Variants in MYO16 observed in about 807,000 individuals in gnomAD.
MYO16 encodes the protein myosin XVI.
In MYO16, 94 loss-of-function variants were observed where a neutral mutation model predicts 205.3. The ratio of observed to expected loss-of-function variants is 0.46; its 90% CI spans 0.39 to 0.54. The LOEUF is 0.54. MYO16 is among the 20% of genes least tolerant of loss of function. MYO16 has a pLI of 0.00. For missense variants in MYO16, 2,315 were observed against 2,387.5 expected, an observed-to-expected ratio of 0.97 and a Z score of 0.63; for synonymous variants, 988 against 954.0, an observed-to-expected ratio of 1.04 and a Z score of -0.66.
chr13:108,921,733 T>A (rs1046421753), intron 16 of MYO16, among the ~76,000 whole-genome samples: 1 of 152,214 alleles, frequency 6.6e-6, no homozygotes, highest in African/African-American at 2.4e-5. Flanking sequence ...ATGCTTGAAC[T>A]GTTAAAAGCA....
chr13:108,530,398 G>T, the MYO16 span, among the ~76,000 whole-genome samples: 1 of 152,184 alleles, frequency 6.6e-6, no homozygotes, highest in Non-Finnish European at 1.5e-5. Flanking sequence ...GGTGTGACAG[G>T]ATAACACCAG....
At chr13:108,586,356 T>C in the MYO16 span, among the ~76,000 whole-genome samples, 1 of 144,414 alleles carries the variant, frequency 6.9e-6, no homozygotes, top group Admixed American at 6.7e-5. Flanking sequence ...TTAAAAAATA[T>C]ATTTTTTCAG....
chr13:108,947,014 G>T (rs1185610598), intron 16 of MYO16, among the ~76,000 whole-genome samples: 14 of 152,210 alleles, frequency 9.2e-5, no homozygotes, highest in Admixed American at 8.5e-4. Flanking sequence ...GCGCGATGTT[G>T]TTCACACCAT....
chr13:109,090,845 C>T (rs1030443023), intron 27 of MYO16, among the ~76,000 whole-genome samples: 2 of 152,110 alleles, frequency 1.3e-5, no homozygotes, highest in East Asian at 1.9e-4. Flanking sequence ...CTGCAATCCC[C>T]GCCCCTCCCC....
chr13:108,767,794 A>C (rs529144634), intron 4 of MYO16, among the ~76,000 whole-genome samples: 2 of 152,068 alleles, frequency 1.3e-5, no homozygotes, highest in Admixed American at 1.3e-4. Context: ...GAATTTTTAC[A>C]CTTAGCCCCA....
At chr13:108,806,641 T>C (rs1203474891) in intron 6 of MYO16, 38 bp from the exon 7 acceptor site, 1 of 1,598,994 alleles carries the variant, frequency 6.3e-7, no homozygotes, top group South Asian at 1.1e-5. Flanking sequence ...ATATCACTAC[T>C]TTAAAAAAAT....
intron 28 of MYO16, among the ~76,000 whole-genome samples, chr13:109,111,055 T>G (rs1200469214): frequency 1.3e-5 from 2 of 152,076 alleles, no homozygotes; most frequent in African/African-American, 4.8e-5. Context: ...TGAACAAATG[T>G]GAGAAAAGGA....
chr13:108,538,001 GA>G, the MYO16 span, among the ~76,000 whole-genome samples: 1 of 152,042 alleles, frequency 6.6e-6, no homozygotes, highest in African/African-American at 2.4e-5. Flanking sequence ...TTGCTGTGCA[GA>G]AGCACTTTAG....
At chr13:108,531,392 G>A in the MYO16 span, among the ~76,000 whole-genome samples, 1 of 152,202 alleles carries the variant, frequency 6.6e-6, no homozygotes, top group Non-Finnish European at 1.5e-5. Flanking sequence ...TTCTACGGAA[G>A]TGAGTGCTTT....
At chr13:109,012,777 G>T (rs945651232) in intron 22 of MYO16, among the ~76,000 whole-genome samples, 4 of 87,884 alleles carry the variant, frequency 4.6e-5, no homozygotes, top group African/African-American at 2.0e-4. Context: ...ATATGTGTGT[G>T]TGTATATATA....
intron 34 of MYO16, among the ~76,000 whole-genome samples, chr13:109,199,981 G>C (rs1880338059): frequency 6.6e-6 from 1 of 152,098 alleles, no homozygotes; most frequent in South Asian, 2.1e-4. Context: ...GATTGTATTT[G>C]TTTGCTATTC....
the MYO16 span, among the ~76,000 whole-genome samples, chr13:108,582,181 T>C: frequency 2.6e-5 from 4 of 152,214 alleles, no homozygotes; most frequent in Admixed American, 6.5e-5. Flanking sequence ...TTGTTTGATT[T>C]TTGGGACCTT....
intron 2 of MYO16, among the ~76,000 whole-genome samples, chr13:108,701,063 C>T (rs1388887258): frequency 6.6e-6 from 1 of 152,118 alleles, no homozygotes; most frequent in Non-Finnish European, 1.5e-5. Context: ...TATGTTTACT[C>T]ATTGACTACT....
chr13:109,140,885 G>T lies in MYO16; in HGVS notation c.4673G>T (p.Ser1558Ile). Residue 1558 changes from serine to isoleucine, a missense_variant, in exon 32 of 35, where the codon AGC becomes ATC. Physicochemically the swap from Ser to Ile is moderately radical, Grantham distance 142 (BLOSUM62 -2). Coordinates refer to ENST00000457511, the MANE Select transcript of MYO16 (RefSeq NM_001198950.3). The surrounding 1 kb of genome is among the most constrained non-coding windows in gnomAD (Gnocchi z 8.0). ...TACCCCGTGCAGCCGGAGGGGTCGA[G>T]CCCGCTGTCCCCGCAGTACTCCAAG... Reference protein sequence around the residue: ...LKYPVQPEGSSPLSPQYSKSQ... With the variant: ...LKYPVQPEGSIPLSPQYSKSQ... The T allele has an allele frequency of 1.3e-6, 2 of 1,594,378 alleles. No homozygotes were observed. The highest frequency in any genetic ancestry group is 1.4e-5 in the African/African-American group (1 of 72,360).
Position 109,127,841 on chromosome 13 carries a change from G to A in MYO16, c.4051+291G>A, listed in dbSNP as rs1168140580. 7.3e-6 allele frequency among the ~76,000 whole-genome samples: 1 copy of A among 136,750 alleles called. No individual in the cohort carries two copies. The highest frequency in any genetic ancestry group is 7.6e-5 in the Admixed American group (1 of 13,080). 89.7% of individuals were successfully genotyped at this position (136,750 alleles called of 152,430 possible). The stretch of plus-strand genomic sequence containing the variant: ...AAAGTCGGCAGCTATTCCATGTAAA[G>A]GTTCACCAATGAGAAAGTAAAAAAA... On this transcript the variant is annotated intron_variant, in intron 31 of 34. Transcript: ENST00000457511. This position sits in a 1 kb window ranked among gnomAD's most constrained non-coding sequence, Gnocchi z 4.2.
chr13:109,188,771 G>A (rs2139938401), intron 34 of MYO16, among the ~76,000 whole-genome samples: 1 of 152,256 alleles, frequency 6.6e-6, no homozygotes, highest in East Asian at 1.9e-4. Context: ...GAGTCCAAAA[G>A]CTGAAGAAGT....
At chr13:108,820,162 G>A (rs79383142) in intron 7 of MYO16, among the ~76,000 whole-genome samples, 175 bp from the exon 8 acceptor site, 32 of 152,226 alleles carry the variant, frequency 2.1e-4, no homozygotes, top group African/African-American at 6.7e-4. Flanking sequence ...GAAATAATTT[G>A]AGTATCTGAC....
At chr13:108,633,398 C>A (rs1251175355) in intron 1 of MYO16, among the ~76,000 whole-genome samples, 1 of 152,134 alleles carries the variant, frequency 6.6e-6, no homozygotes, top group Non-Finnish European at 1.5e-5. Flanking sequence ...GTCCAAGAGT[C>A]CAAAAGCGGA....
At chr13:108,880,929 ATTGAATCTATAAATTACC>A (rs1376948686) in intron 12 of MYO16, among the ~76,000 whole-genome samples, 1 of 152,188 alleles carries the variant, frequency 6.6e-6, no homozygotes, top group Non-Finnish European at 1.5e-5. Context: ...TGAAGATGGC[ATTGAATCTATAAATTACC>A]TTGGGCATGG....
Sources: gnomAD v4.1 joint callset for allele counts (sites outside exome capture counted in the v4.1 genomes callset) on GRCh38, gnomAD v4.1.1 for gene constraint, Gnocchi (gnomAD v3.1) non-coding constraint, MANE v1.5 for transcripts, NCBI Gene and HGNC (gene_info 2026-07-23, HGNC 2026-07-21) for gene names.